PAPPA: variants seen among roughly 807,000 people sequenced by gnomAD.
PAPPA encodes the protein pappalysin 1, also known as pappalysin-1.
Under a neutral mutation model 164.0 loss-of-function variants are expected in PAPPA, and 60 were observed. The observed-to-expected ratio is 0.37, with a 90% CI of 0.30 to 0.45. The LOEUF (loss-of-function observed/expected upper bound fraction) is 0.45. Ranked by LOEUF, PAPPA falls within the 20% of genes least tolerant of loss-of-function variation. The pLI is 1.00. For synonymous variants in PAPPA, 875 were observed against 814.1 expected (o/e 1.07, Z -1.27); for missense variants, 1,782 against 2,087.3 (o/e 0.85, Z 2.85).
chr9:116,213,433 G>T (rs904396165), intron 4 of PAPPA, among the ~76,000 whole-genome samples: 1 of 152,144 alleles, frequency 6.6e-6, no homozygotes, highest in African/African-American at 2.4e-5. Flanking sequence ...AGACCAGGGT[G>T]CTGGGTATTT....
At chr9:116,320,048 C>A (rs1845834838) in intron 10 of PAPPA, among the ~76,000 whole-genome samples, 1 of 152,192 alleles carries the variant, frequency 6.6e-6, no homozygotes, top group African/African-American at 2.4e-5. Flanking sequence ...AATGAGTAGT[C>A]TCTAAGAATC....
At chr9:116,221,006 T>A (rs1440130657) in intron 5 of PAPPA, among the ~76,000 whole-genome samples, 2 of 151,904 alleles carry the variant, frequency 1.3e-5, no homozygotes, top group African/African-American at 4.8e-5. Context: ...CAGGGAATGA[T>A]AAACTGAGGC....
At chr9:116,210,812 G>T (rs774560956) in intron 3 of PAPPA, among the ~76,000 whole-genome samples, 4 of 152,170 alleles carry the variant, frequency 2.6e-5, no homozygotes, top group Non-Finnish European at 5.9e-5. Flanking sequence ...CCGAGATTCT[G>T]CATTTCTACT....
intron 5 of PAPPA, among the ~76,000 whole-genome samples, chr9:116,224,537 A>G (rs1844481884): frequency 1.3e-5 from 2 of 152,216 alleles, no homozygotes; most frequent in Admixed American, 1.3e-4. Flanking sequence ...GTATATAATA[A>G]GTACTATTTT....
intron 7 of PAPPA, among the ~76,000 whole-genome samples, chr9:116,243,314 C>A (rs1045321740): frequency 6.6e-5 from 10 of 152,224 alleles, no homozygotes; most frequent in African/African-American, 2.2e-4. Context: ...TAACCATCTT[C>A]ACATTGCTAA....
chr9:116,394,801 T>C (rs768479464), intron 21 of PAPPA, among the ~76,000 whole-genome samples: 4 of 152,306 alleles, frequency 2.6e-5, no homozygotes, highest in Admixed American at 1.3e-4. Flanking sequence ...CAAGCACTTA[T>C]GAATTTAAAT....
chr9:116,318,444 A>G (rs1845813591), intron 10 of PAPPA: 1 of 152,176 alleles, frequency 6.6e-6, no homozygotes, highest in African/African-American at 2.4e-5. Context: ...TGACAGAATG[A>G]GAGAGACATA....
intron 9 of PAPPA, among the ~76,000 whole-genome samples, chr9:116,280,322 A>G (rs1251453400): frequency 6.6e-6 from 1 of 152,156 alleles, no homozygotes; most frequent in Non-Finnish European, 1.5e-5. Flanking sequence ...GTATATAACC[A>G]AAGGGCCTCC....
At chr9:116,380,623 T>G (rs1464003963) in intron 20 of PAPPA, among the ~76,000 whole-genome samples, 1 of 152,204 alleles carries the variant, frequency 6.6e-6, no homozygotes, top group Non-Finnish European at 1.5e-5. Context: ...TATACCCCAC[T>G]GCTCTAATGT....
chr9:116,385,953 A>AT (rs1443374388), intron 21 of PAPPA, among the ~76,000 whole-genome samples: 2 of 152,342 alleles, frequency 1.3e-5, no homozygotes, highest in East Asian at 1.9e-4. Flanking sequence ...AAAGTGTGAG[A>AT]TTTTATGGAG....
intron 17 of PAPPA, among the ~76,000 whole-genome samples, chr9:116,358,637 C>T (rs1179206669): frequency 6.6e-6 from 1 of 152,184 alleles, no homozygotes; most frequent in Admixed American, 6.5e-5. Flanking sequence ...TTGTCTTGCT[C>T]GGATGCCACT....
chr9:116,393,703 A>T (rs1846923878), intron 21 of PAPPA, among the ~76,000 whole-genome samples: 1 of 152,156 alleles, frequency 6.6e-6, no homozygotes, highest in Admixed American at 6.5e-5. Context: ...GGAGGTAGTG[A>T]TACTTGCGAA....
chr9:116,284,171 G>T (rs1427992516), intron 9 of PAPPA, among the ~76,000 whole-genome samples: 2 of 152,102 alleles, frequency 1.3e-5, no homozygotes, highest in African/African-American at 2.4e-5. Context: ...GATTATTATG[G>T]CTAACAAAAA....
intron 14 of PAPPA, among the ~76,000 whole-genome samples, chr9:116,346,028 TCAGACTTGG>T (rs1203844200): frequency 6.6e-6 from 1 of 152,168 alleles, no homozygotes; most frequent in Non-Finnish European, 1.5e-5. Context: ...CTTCCGTGTG[TCAGACTTGG>T]CAGGCCTGAA....
chr9:116,382,567 CATGG>C (rs1317160114), intron 21 of PAPPA, 74 bp downstream of exon 21: 1 of 868,306 alleles, frequency 1.2e-6, no homozygotes, highest in Non-Finnish European at 2.0e-6. Flanking sequence ...ATCACTCCTT[CATGG>C]CTGGACAACC....
intron 18 of PAPPA, among the ~76,000 whole-genome samples, chr9:116,367,298 A>T (rs1312708141): frequency 1.3e-5 from 2 of 152,136 alleles, no homozygotes; most frequent in Admixed American, 6.5e-5. Context: ...GAGAGAGGAG[A>T]TTGACCAGAC....
chr9:116,368,651 G>A (rs1382308758), intron 19 of PAPPA, among the ~76,000 whole-genome samples: 4 of 152,214 alleles, frequency 2.6e-5, no homozygotes, highest in Non-Finnish European at 5.9e-5. Flanking sequence ...CAGGCCTTAT[G>A]TGTCACTCTG....
chr9:116,289,134 ATATAT>A (rs1845384349), intron 9 of PAPPA, among the ~76,000 whole-genome samples: 5 of 24,784 alleles, frequency 2.0e-4, no homozygotes, highest in African/African-American at 6.2e-4. Context: ...ATATATATAT[ATATAT>A]ATATATATAT....
intron 17 of PAPPA, among the ~76,000 whole-genome samples, chr9:116,362,045 T>G (rs1846433964): frequency 2.6e-5 from 4 of 152,046 alleles, no homozygotes; most frequent in Admixed American, 2.0e-4. Context: ...TAGAATGGAA[T>G]GGAATGAAAG....
Sources: allele counts gnomAD v4.1 joint callset (sites outside exome capture counted in the v4.1 genomes callset), GRCh38; gene constraint gnomAD v4.1.1; transcripts MANE v1.5; gene names NCBI Gene and HGNC (gene_info 2026-07-23, HGNC 2026-07-21).